Variants in LRRC28 observed in about 807,000 individuals in gnomAD.
The protein encoded by LRRC28 is leucine rich repeat containing 28.
Under a neutral mutation model 45.7 loss-of-function variants are expected in LRRC28, and 39 were observed. The observed-to-expected ratio is 0.85, with a 90% confidence interval of 0.66 to 1.12. The LOEUF (loss-of-function observed/expected upper bound fraction) is 1.12. Ranked by LOEUF, LRRC28 falls within the 50% of genes most tolerant of loss-of-function variation. LRRC28 has a pLI of 0.00. For synonymous variants in LRRC28, 206 were observed against 178.8 expected (o/e 1.15, Z -1.22); for missense variants, 435 against 438.5 (o/e 0.99, Z 0.07).
intron 2 of LRRC28, among the ~76,000 whole-genome samples, chr15:99,266,883 CAAAT>C (rs1668235108): frequency 1.3e-5 from 2 of 152,006 alleles, no homozygotes; most frequent in Non-Finnish European, 2.9e-5. Flanking sequence ...ATTTTATAGA[CAAAT>C]AAACTAAGTC....
At chr15:99,260,542 G>T (rs1359742260) in intron 2 of LRRC28, among the ~76,000 whole-genome samples, 1 of 152,212 alleles carries the variant, frequency 6.6e-6, no homozygotes, top group East Asian at 1.9e-4. Context: ...TATAAAGGCT[G>T]TACAGATATG....
At chr15:99,273,495 C>T (rs1398133687) in intron 2 of LRRC28, among the ~76,000 whole-genome samples, 2 of 151,060 alleles carry the variant, frequency 1.3e-5, no homozygotes, top group Non-Finnish European at 2.9e-5. Flanking sequence ...CCTCGGCCTC[C>T]CAAAGTGCTG....
chr15:99,321,480 C>G (rs1052009876), intron 5 of LRRC28, among the ~76,000 whole-genome samples: 1 of 152,168 alleles, frequency 6.6e-6, no homozygotes, highest in African/African-American at 2.4e-5. Flanking sequence ...ATAGAATACT[C>G]CCATCACTTG....
chr15:99,381,444 T>G (rs1957820494), intron 9 of LRRC28, among the ~76,000 whole-genome samples: 1 of 152,252 alleles, frequency 6.6e-6, no homozygotes, highest in Non-Finnish European at 1.5e-5. Context: ...TAATCTTTTT[T>G]CAGGGTTTTT....
intron 5 of LRRC28, among the ~76,000 whole-genome samples, chr15:99,293,356 G>T (rs771463501): frequency 2.0e-5 from 3 of 151,912 alleles, no homozygotes; most frequent in South Asian, 4.1e-4. Context: ...CACTTTGGGA[G>T]GCCAAGGTGG....
rs969052489 is a variant in LRRC28 at position 99,387,026 on chromosome 15, C to T, written c.*924C>T. On this transcript the variant is annotated 3_prime_UTR_variant, in exon 10 of 10. Coordinates refer to ENST00000301981, the MANE Select transcript of LRRC28 (RefSeq NM_144598.5). Reference sequence around the variant, plus strand: ...TATACTGACTTTGAAATATTTTTGTCACATGTGAAAGGCTTCAGCTACTTC... The same window carrying T: ...TATACTGACTTTGAAATATTTTTGTTACATGTGAAAGGCTTCAGCTACTTC... 6.6e-6 allele frequency: 1 copy of T among 152,054 alleles called. No individual in the cohort carries two copies. Among genetic ancestry groups the T allele is most frequent in the African/African-American group, 2.4e-5 (1 of 41,384 alleles). The allele number at this position is 152,054 out of a possible 1,614,324, so 9.4% of individuals were successfully genotyped here.
At chr15:99,267,925 A>C (rs1567609118) in intron 2 of LRRC28, among the ~76,000 whole-genome samples, 1 of 152,068 alleles carries the variant, frequency 6.6e-6, no homozygotes. Flanking sequence ...CCATAACTTA[A>C]CTCTATTTAT....
At chr15:99,324,442 C>A (rs930777138) in intron 5 of LRRC28, among the ~76,000 whole-genome samples, 1 of 151,820 alleles carries the variant, frequency 6.6e-6, no homozygotes, top group Non-Finnish European at 1.5e-5. Flanking sequence ...TTAGTGGTAC[C>A]GGAAAAAGCA....
chr15:99,359,788 C>A (rs1957147797), intron 7 of LRRC28, among the ~76,000 whole-genome samples: 1 of 152,156 alleles, frequency 6.6e-6, no homozygotes, highest in Non-Finnish European at 1.5e-5. Context: ...AAAAGAAATT[C>A]TCTAAATCTA....
chr15:99,329,009 A>G (rs1956074727), intron 5 of LRRC28, among the ~76,000 whole-genome samples: 1 of 151,964 alleles, frequency 6.6e-6, no homozygotes, highest in Non-Finnish European at 1.5e-5. Flanking sequence ...ATCCCTTCTC[A>G]TATATCTATA....
chr15:99,335,670 A>AG (rs1956298403), intron 6 of LRRC28, among the ~76,000 whole-genome samples: 2 of 152,016 alleles, frequency 1.3e-5, no homozygotes, highest in Admixed American at 1.3e-4. Context: ...CCTGTCTCTA[A>AG]AAATTTTTTT....
intron 9 of LRRC28, among the ~76,000 whole-genome samples, chr15:99,374,206 A>G (rs929508863): frequency 9.9e-5 from 15 of 152,126 alleles, no homozygotes; most frequent in African/African-American, 3.6e-4. Flanking sequence ...CATATATGCT[A>G]TGTTGAGTTT....
At chr15:99,253,097 A>G (rs575706186) in intron 1 of LRRC28, among the ~76,000 whole-genome samples, 1 of 150,988 alleles carries the variant, frequency 6.6e-6, no homozygotes, top group East Asian at 2.0e-4. Context: ...AAAGAACACC[A>G]GGGGAATTAC....
chr15:99,343,922 G>A (rs570715173), intron 6 of LRRC28, among the ~76,000 whole-genome samples: 2 of 152,166 alleles, frequency 1.3e-5, no homozygotes, highest in African/African-American at 4.8e-5. Flanking sequence ...TTTGCCAGCC[G>A]ACTGCCTTCT....
intron 5 of LRRC28, chr15:99,332,164 C>T (rs969540171): frequency 2.6e-5 from 4 of 152,094 alleles, no homozygotes; most frequent in African/African-American, 9.6e-5. Flanking sequence ...ATCCCCACAC[C>T]CCTGAAATCA....
chr15:99,333,507 A>G (rs938251259), intron 5 of LRRC28: 1 of 184,216 alleles, frequency 5.4e-6, no homozygotes. Flanking sequence ...GCTATTATTC[A>G]TAAATCTCCT....
chr15:99,385,319 G>C (rs1338454001), intron 9 of LRRC28, among the ~76,000 whole-genome samples: 2 of 152,228 alleles, frequency 1.3e-5, no homozygotes, highest in Non-Finnish European at 1.5e-5. Context: ...TTGGGGGTGA[G>C]GAAATAGAAA....
At chr15:99,369,943 G>T (rs773873777) in intron 9 of LRRC28, among the ~76,000 whole-genome samples, 4 of 152,178 alleles carry the variant, frequency 2.6e-5, no homozygotes, top group African/African-American at 4.8e-5. Flanking sequence ...AAGCCATGGC[G>T]TGCAATGGAA....
At chr15:99,374,875 G>T (rs556353187) in intron 9 of LRRC28, among the ~76,000 whole-genome samples, 2 of 151,474 alleles carry the variant, frequency 1.3e-5, no homozygotes, top group African/African-American at 4.9e-5. Context: ...TACTGTATTA[G>T]TCAAGATGAT....
Sources: gnomAD v4.1 joint callset for allele counts (sites outside exome capture counted in the v4.1 genomes callset) on GRCh38, gnomAD v4.1.1 for gene constraint, MANE v1.5 for transcripts, NCBI Gene and HGNC (gene_info 2026-07-23, HGNC 2026-07-21) for gene names.